The following ZNF589 variants were observed in gnomAD, a reference collection of about 807,000 sequenced individuals.
ZNF589 encodes the protein KRAB-zinc finger protein SZF1-1.
A neutral mutation model predicts 13.6 loss-of-function variants in ZNF589; 17 were observed. The observed-to-expected ratio is 1.25, with a 90% confidence interval of 0.86 to 1.88. The LOEUF (loss-of-function observed/expected upper bound fraction) is 1.88. ZNF589 is among the 40% of genes most tolerant of loss of function. The pLI is 0.00. For synonymous variants in ZNF589, 148 were observed against 161.6 expected (o/e 0.92, Z 0.64); for missense variants, 407 against 434.0 (o/e 0.94, Z 0.55).
intron 2 of ZNF589, among the ~76,000 whole-genome samples, chr3:48,253,004 G>A (rs1326524038): frequency 1.3e-5 from 2 of 152,112 alleles, no homozygotes; most frequent in Non-Finnish European, 2.9e-5. Context: ...CCTCATTTAT[G>A]TAGATCTTTA....
chr3:48,270,398 A>T lies in ZNF589; in HGVS notation c.*1612A>T, dbSNP rs9842769. 8,126 of 365,122 alleles carry T rather than the reference A, an allele frequency of 0.022. 590 individuals are homozygous for T. Among genetic ancestry groups the T allele is most frequent in the African/African-American group, 0.15 (7,193 of 46,994 alleles). The allele number at this position is 365,122 out of a possible 1,614,324, so 22.6% of individuals were successfully genotyped here. A position where few individuals can be genotyped will look rare whatever the true frequency, so the allele number is the denominator to read the frequency against. On this transcript the variant is annotated 3_prime_UTR_variant, in exon 4 of 4. Transcript: ENST00000354698. ...GCCTTCCAATACCAGGTTTAAGGGT[A>T]TTTTAAACACAGCTCCTCTTAAATC...
Position 48,270,963 on chromosome 3 carries a change from C to G in ZNF589, c.*2177C>G. On this transcript the variant is annotated 3_prime_UTR_variant, in exon 4 of 4. Transcript: ENST00000354698. ...TGACTTCAAGAATGAAGCCGTGGAC[C>G]CTCACGGTGAGTGTTACAATTCTTA... 1 of 187,692 alleles carries G rather than the reference C, an allele frequency of 5.3e-6. No individual in the cohort carries two copies. The highest frequency in any genetic ancestry group is 1.1e-5 in the Non-Finnish European group (1 of 92,820). The allele number at this position is 187,692 out of a possible 1,614,324, so 11.6% of individuals were successfully genotyped here.
intron 1 of ZNF589, among the ~76,000 whole-genome samples, chr3:48,246,776 C>A (rs532815947): frequency 6.4e-4 from 98 of 152,256 alleles, no homozygotes; most frequent in African/African-American, 2.2e-3. Context: ...TCATGCCATT[C>A]TCCTGCCTCA....
chr3:48,247,307 G>A lies in ZNF589; in HGVS notation c.44-318G>A, dbSNP rs190160277. The stretch of plus-strand genomic sequence containing the variant: ...TAAATTAAAAAAAAACATGTAACTA[G>A]AGTCACATAACACATGGGGGGAAAT... On this transcript the variant is annotated intron_variant, in intron 1 of 3. Coordinates refer to ENST00000354698, the MANE Select transcript of ZNF589 (RefSeq NM_016089.3). Among the ~76,000 whole-genome samples the A allele has an allele frequency of 2.7e-3, 403 of 151,814 alleles. 2 individuals carry two copies. Among genetic ancestry groups the A allele is most frequent in the African/African-American group, 9.0e-3 (372 of 41,268 alleles).
In ZNF589 at chr3:48,269,119, G is replaced by A; in HGVS notation, c.*333G>A. On this transcript the variant is annotated 3_prime_UTR_variant, in exon 4 of 4. Coordinates refer to ENST00000354698, the MANE Select transcript of ZNF589 (RefSeq NM_016089.3). Reference sequence around the variant, plus strand: ...GAGAGAAGCCTTACACGTGCTTTGAGTGTGGGCGAAACTTTAGCCTCAAGT... The same window carrying A: ...GAGAGAAGCCTTACACGTGCTTTGAATGTGGGCGAAACTTTAGCCTCAAGT... 1.4e-6 allele frequency: 1 copy of A among 692,032 alleles called. No individual in the cohort carries two copies. 42.9% of individuals were successfully genotyped at this position (692,032 alleles called of 1,614,324 possible).
chr3:48,241,520 T>G (rs969812404), intron 1 of ZNF589, among the ~76,000 whole-genome samples: 1 of 152,252 alleles, frequency 6.6e-6, no homozygotes, highest in African/African-American at 2.4e-5. Context: ...AACAGCATTT[T>G]GTATTATTAT....
chr3:48,259,918 C>CA (rs538817691), intron 2 of ZNF589, among the ~76,000 whole-genome samples: 13,022 of 98,014 alleles, frequency 0.13, 1,139 homozygotes, highest in African/African-American at 0.3. Flanking sequence ...GACTCCGTAT[C>CA]AAAAAAAAAA....
chr3:48,254,739 T>C (rs2033879284), intron 2 of ZNF589, among the ~76,000 whole-genome samples: 1 of 152,210 alleles, frequency 6.6e-6, no homozygotes, highest in Non-Finnish European at 1.5e-5. Flanking sequence ...TGTATGTGTG[T>C]GTGTAAAATT....
intron 1 of ZNF589, among the ~76,000 whole-genome samples, chr3:48,241,612 A>G (rs1559978417): frequency 1.3e-5 from 2 of 151,860 alleles, no homozygotes; most frequent in African/African-American, 2.4e-5. Context: ...GTTCACTGCA[A>G]TCTCCGTCTC....
At position 48,268,717 on chromosome 3, in the gene ZNF589, T is replaced by G. The variant is rs1250554894; in HGVS notation, c.1026T>G (p.Arg342=). Residue 342 remains arginine, a synonymous_variant, in exon 4 of 4, where the codon CGT becomes CGG. Transcript: ENST00000354698. ...FMCTVCGRGF[R]EKSELIKHQR... ...GCACAGTGTGTGGGCGAGGCTTTCG[T>G]GAAAAGTCAGAGCTCATTAAGCACC... The G allele has an allele frequency of 6.2e-7, 1 of 1,613,282 alleles. No individual in the cohort carries two copies. Among genetic ancestry groups the G allele is most frequent in the African/African-American group, 1.3e-5 (1 of 74,638 alleles).
At chr3:48,265,558 G>A (rs1314414965) in intron 3 of ZNF589, among the ~76,000 whole-genome samples, 1 of 151,998 alleles carries the variant, frequency 6.6e-6, no homozygotes, top group Non-Finnish European at 1.5e-5. Context: ...AAAGTGCTGG[G>A]ATTACAAGTG....
rs768750112 is a variant in ZNF589 at position 48,268,710 on chromosome 3, G to T, written c.1019G>T (p.Gly340Val). 3 of 1,614,170 alleles carry T rather than the reference G, an allele frequency of 1.9e-6. No individual in the cohort carries two copies. In the East Asian group the frequency reaches 6.7e-5, roughly 36 times the overall value. The stretch of plus-strand genomic sequence containing the variant: ...TTTATGTGCACAGTGTGTGGGCGAG[G>T]CTTTCGTGAAAAGTCAGAGCTCATT... ...KSFMCTVCGR[G>V]FREKSELIKH... Residue 340 changes from glycine (G) to valine (V), a missense_variant, in exon 4 of 4, where the codon GGC becomes GTC. Physicochemically the swap from Gly to Val is moderately radical, Grantham distance 109 (BLOSUM62 -3). Coordinates refer to ENST00000354698, the MANE Select transcript of ZNF589 (RefSeq NM_016089.3).
intron 2 of ZNF589, among the ~76,000 whole-genome samples, chr3:48,260,554 G>C (rs528521872): frequency 6.6e-6 from 1 of 152,146 alleles, no homozygotes; most frequent in Non-Finnish European, 1.5e-5. Flanking sequence ...GACTACAGGC[G>C]TGTGCTACCA....
chr3:48,269,669 A>C lies in ZNF589; in HGVS notation c.*883A>C, dbSNP rs77657911. 7.5e-3 allele frequency: 2,548 copies of C among 341,040 alleles called. 14 individuals are homozygous for C. Among genetic ancestry groups the C allele is most frequent in the Non-Finnish European group, 1.0e-2 (1,729 of 173,642 alleles). The allele number at this position is 341,040 out of a possible 1,614,324, so 21.1% of individuals were successfully genotyped here. On this transcript the variant is annotated 3_prime_UTR_variant, in exon 4 of 4. Coordinates refer to ENST00000354698, the MANE Select transcript of ZNF589 (RefSeq NM_016089.3). ...AAAGTCACAGCTCATCATACACCAGAAGATACACTCGGGGAAAAGCTTTAG... is the reference window on the plus strand; with the variant it reads ...AAAGTCACAGCTCATCATACACCAGCAGATACACTCGGGGAAAAGCTTTAG...
At chr3:48,258,000 G>A (rs1416954772) in intron 2 of ZNF589, 5 of 423,734 alleles carry the variant, frequency 1.2e-5, no homozygotes, top group South Asian at 3.5e-5. Context: ...CTCTTACTTT[G>A]TTCTTCTAGT....
chr3:48,243,100 T>C (rs1019645516), intron 1 of ZNF589, among the ~76,000 whole-genome samples: 1 of 151,744 alleles, frequency 6.6e-6, no homozygotes, highest in African/African-American at 2.4e-5. Flanking sequence ...ATTTCATATA[T>C]AATTTTCATT....
intron 2 of ZNF589, chr3:48,256,684 A>T: frequency 7.0e-7 from 1 of 1,428,200 alleles, no homozygotes; most frequent in Non-Finnish European, 9.9e-7. Context: ...GCAGCAAAAC[A>T]TCATCATAGT....
chr3:48,247,487 A>G, intron 1 of ZNF589, 138 bp from the exon 2 acceptor site: 1 of 725,750 alleles, frequency 1.4e-6, no homozygotes, highest in Admixed American at 2.4e-5. Context: ...AGCATAAGGC[A>G]GGAGGTGAGA....
intron 2 of ZNF589, among the ~76,000 whole-genome samples, chr3:48,248,320 C>G (rs2033794879): frequency 6.6e-6 from 1 of 152,186 alleles, no homozygotes; most frequent in Admixed American, 6.5e-5. Flanking sequence ...GTGATTTATG[C>G]ACAGGGACAC....
Sources: allele counts gnomAD v4.1 joint callset (sites outside exome capture counted in the v4.1 genomes callset), GRCh38; gene constraint gnomAD v4.1.1; transcripts MANE v1.5; gene names NCBI Gene and HGNC (gene_info 2026-07-23, HGNC 2026-07-21).